The following ZCCHC2 variants were observed in gnomAD, a reference collection of about 807,000 sequenced individuals.
ZCCHC2 encodes zinc finger CCHC-type containing 2.
In ZCCHC2, 39 loss-of-function variants were observed where a neutral mutation model predicts 103.6. The ratio of observed to expected loss-of-function variants is 0.38; its 90% CI spans 0.29 to 0.49. ZCCHC2 has a LOEUF of 0.49. Among genes scored for constraint, ZCCHC2 ranks in the 20% least tolerant of loss-of-function variants. ZCCHC2 has a pLI of 0.96. For missense variants in ZCCHC2, 1,483 were observed against 1,491.0 expected (o/e 0.99, Z 0.09); for synonymous variants, 687 against 608.9 (o/e 1.13, Z -1.89).
At chr18:62,548,246 C>CTATA (rs1290872844) in intron 4 of ZCCHC2, among the ~76,000 whole-genome samples, 1 of 151,252 alleles carries the variant, frequency 6.6e-6, no homozygotes, top group Admixed American at 6.6e-5. Context: ...TGATTTAAAA[C>CTATA]TGTATATATA....
Position 62,523,257 on chromosome 18 carries a change from C to G in ZCCHC2, c.-168C>G. On this transcript the variant is annotated 5_prime_UTR_variant, in exon 1 of 14. Transcript: ENST00000269499. The stretch of plus-strand genomic sequence containing the variant: ...AGACGACGCCAGCGACCCCGCCGGC[C>G]GGCCACCGCCCCCCTCGCCGGCCGA... 1.9e-6 allele frequency: 1 copy of G among 517,026 alleles called. No homozygotes were observed. The highest frequency in any genetic ancestry group is 2.5e-6 in the Non-Finnish European group (1 of 401,894). The allele number at this position is 517,026 out of a possible 1,614,324, so 32.0% of individuals were successfully genotyped here. A position where few individuals can be genotyped will look rare whatever the true frequency, so the allele number is the denominator to read the frequency against.
Position 62,524,467 on chromosome 18 carries a change from A to G in ZCCHC2, c.939+104A>G, listed in dbSNP as rs985832986. On this transcript the variant is annotated intron_variant, in intron 1 of 13. Transcript: ENST00000269499. ...CCTTGCCCGAGCCCCAGCCCGGCGC[A>G]GGTGGCTCGGAATCCCCACCCGGCA... is the stretch of plus-strand genomic sequence containing the variant. The G allele has an allele frequency of 1.6e-4, 229 of 1,394,080 alleles. 2 individuals are homozygous for G. In the South Asian group the frequency reaches 3.3e-3, roughly 20 times the overall value. The allele number at this position is 1,394,080 out of a possible 1,614,324, so 86.4% of individuals were successfully genotyped here.
intron 1 of ZCCHC2, chr18:62,524,606 A>G: frequency 1.9e-6 from 1 of 528,766 alleles, no homozygotes; most frequent in Non-Finnish European, 3.1e-6. Context: ...ATGCTCTAGA[A>G]GTCCCTTCCG....
chr18:62,569,009 C>G (rs1187751527), intron 11 of ZCCHC2, among the ~76,000 whole-genome samples: 1 of 152,144 alleles, frequency 6.6e-6, no homozygotes, highest in African/African-American at 2.4e-5. Context: ...TGTTACTTGC[C>G]CATGAACTCC....
chr18:62,570,562 C>G (rs192414477), intron 12 of ZCCHC2, among the ~76,000 whole-genome samples: 18 of 152,276 alleles, frequency 1.2e-4, no homozygotes, highest in Admixed American at 9.1e-4. Context: ...TACGTCCTCT[C>G]GATTGATTGA....
At chr18:62,546,529 A>T (rs1230331069) in intron 4 of ZCCHC2, among the ~76,000 whole-genome samples, 1 of 152,206 alleles carries the variant, frequency 6.6e-6, no homozygotes, top group Non-Finnish European at 1.5e-5. Flanking sequence ...CCACAACAGA[A>T]TTGTGGGCGA....
At chr18:62,525,050 GA>G (rs1430550348) in intron 1 of ZCCHC2, 3 of 144,370 alleles carry the variant, frequency 2.1e-5, no homozygotes, top group Non-Finnish European at 4.8e-5. Flanking sequence ...GTTGTCCGGG[GA>G]GAGAAACCTT....
intron 4 of ZCCHC2, among the ~76,000 whole-genome samples, chr18:62,546,707 TCTA>T (rs1889976193): frequency 6.6e-6 from 1 of 152,230 alleles, no homozygotes; most frequent in African/African-American, 2.4e-5. Flanking sequence ...GAGTCTGCCT[TCTA>T]CTGGCTTTCC....
At chr18:62,582,148 C>T (rs922495498), downstream of ZCCHC2, among the ~76,000 whole-genome samples, 5 of 152,118 alleles carry the variant, frequency 3.3e-5, no homozygotes, top group African/African-American at 1.2e-4. Context: ...GGGAAGTTTC[C>T]AAGTTTTGAA....
chr18:62,544,344 A>G (rs1223466354), intron 3 of ZCCHC2, among the ~76,000 whole-genome samples: 1 of 152,224 alleles, frequency 6.6e-6, no homozygotes, highest in African/African-American at 2.4e-5. Flanking sequence ...CGAACCATAA[A>G]TTCCATAAAA....
In ZCCHC2 at chr18:62,524,080, ACGAGCGCGG is replaced by A. The variant is rs2145478734; in HGVS notation, c.661_669del (p.Arg221_Glu223del). 2.0e-6 allele frequency: 3 copies of A among 1,508,836 alleles called. No individual in the cohort carries two copies. Among genetic ancestry groups the A allele is most frequent in the South Asian group, 1.2e-5 (1 of 80,288 alleles). 93.5% of individuals were successfully genotyped at this position (1,508,836 alleles called of 1,614,324 possible). ...GAGGGCTCGCGGGGCGGCGCGGAGG[ACGAGCGCGG>A]CGAGGACGGCGACGGCGAGCAGGAC... On this transcript the variant is annotated inframe_deletion, in exon 1 of 14. Coordinates refer to ENST00000269499, the MANE Select transcript of ZCCHC2 (RefSeq NM_017742.6).
At chr18:62,565,745 C>G (rs1916337999) in intron 11 of ZCCHC2, among the ~76,000 whole-genome samples, 1 of 152,060 alleles carries the variant, frequency 6.6e-6, no homozygotes, top group Non-Finnish European at 1.5e-5. Context: ...ATATTTTATC[C>G]CTGGGTGCCC....
At chr18:62,539,145 A>G (rs1915064203) in intron 1 of ZCCHC2, among the ~76,000 whole-genome samples, 1 of 152,220 alleles carries the variant, frequency 6.6e-6, no homozygotes, top group African/African-American at 2.4e-5. Context: ...GAGCAAACTC[A>G]GTTAGGTTTA....
chr18:62,575,199 G>A lies in ZCCHC2; in HGVS notation c.3118G>A (p.Gly1040Arg), dbSNP rs1350315894. The stretch of plus-strand genomic sequence containing the variant: ...TTACTATTATCCTAATCCAATGCCT[G>A]GACCAATGTACCGAGTCCCTTCATT... Reference protein sequence around the residue: ...NSYYYPNPMPGPMYRVPSFFT... With the variant: ...NSYYYPNPMPRPMYRVPSFFT... The change falls in exon 13 of 14, where the codon GGA (glycine) becomes AGA (arginine). Residue 1040 changes from glycine (G) to arginine (R), a missense_variant. Physicochemically the swap from Gly to Arg is moderately radical, Grantham distance 125. This residue lies in a region of ZCCHC2 where 884 missense variants were observed against 907.5 expected (regional missense o/e 0.97). Transcript: ENST00000269499. The A allele has an allele frequency of 3.1e-6, 5 of 1,613,848 alleles. No individual in the cohort carries two copies. Among genetic ancestry groups the A allele is most frequent in the Non-Finnish European group, 4.2e-6 (5 of 1,179,896 alleles).
Position 62,523,475 on chromosome 18 carries a change from G to T in ZCCHC2, c.51G>T (p.Pro17=), listed in dbSNP as rs779952330. The T allele has an allele frequency of 5.6e-6, 6 of 1,078,216 alleles. No homozygotes were observed. In the South Asian group the frequency reaches 1.4e-4, roughly 24 times the overall value. 66.8% of individuals were successfully genotyped at this position (1,078,216 alleles called of 1,614,324 possible). ...PLKPTHPAEP[P]PEAEEPEADA... ...AGCCAACGCACCCCGCGGAGCCGCC[G>T]CCCGAGGCGGAGGAGCCCGAGGCGG... Residue 17 remains proline (P), a synonymous_variant, in exon 1 of 14, where the codon CCG becomes CCT. Coordinates refer to ENST00000269499, the MANE Select transcript of ZCCHC2 (RefSeq NM_017742.6).
chr18:62,544,780 A>G, intron 3 of ZCCHC2, 22 bp from the exon 4 acceptor site: 1 of 1,532,750 alleles, frequency 6.5e-7, no homozygotes, highest in African/African-American at 1.4e-5. Context: ...ACCATATAAT[A>G]TGTGTGTTTT....
chr18:62,575,716 A>G (rs1916815368), intron 13 of ZCCHC2, among the ~76,000 whole-genome samples, 166 bp downstream of exon 13: 1 of 152,252 alleles, frequency 6.6e-6, no homozygotes, highest in African/African-American at 2.4e-5. Flanking sequence ...AAAACAGTGT[A>G]GACCCAGGTC....
intron 1 of ZCCHC2, chr18:62,525,304 T>A (rs2145480669): frequency 6.6e-6 from 1 of 150,502 alleles, no homozygotes; most frequent in African/African-American, 2.5e-5. Flanking sequence ...ATAATTAGGG[T>A]CCAGTGAGTC....
Position 62,538,185 on chromosome 18 carries a change from C to T in ZCCHC2, c.940-1496C>T, listed in dbSNP as rs779283441. 6.1e-5 allele frequency among the ~76,000 whole-genome samples: 9 copies of T among 146,634 alleles called. No individual in the cohort carries two copies. The East Asian group carries it at 8.0e-4, about 13-fold the overall frequency. Reference sequence around the variant, plus strand: ...CCGAGTTGAGAGGATCACTTGAAGCCGGGAATTTGAGGCTGCAGTGAGCTA... The same window carrying T: ...CCGAGTTGAGAGGATCACTTGAAGCTGGGAATTTGAGGCTGCAGTGAGCTA... On this transcript the variant is annotated intron_variant, in intron 1 of 13. Transcript: ENST00000269499.
Sources: allele counts gnomAD v4.1 joint callset (sites outside exome capture counted in the v4.1 genomes callset), GRCh38; gene constraint gnomAD v4.1.1; regional missense constraint gnomAD v4.1.1; transcripts MANE v1.5; gene names NCBI Gene and HGNC (gene_info 2026-07-23, HGNC 2026-07-21).